Variants in NSD3 observed in about 807,000 individuals in gnomAD.
NSD3 encodes nuclear receptor binding SET domain protein 3, also known as histone-lysine N-methyltransferase NSD3.
NSD3 carries 24 observed loss-of-function variants against 160.8 expected under a neutral mutation model. The observed-to-expected ratio is 0.15, with a 90% confidence interval of 0.11 to 0.21. The LOEUF (loss-of-function observed/expected upper bound fraction) is 0.21, where lower values mean the gene tolerates loss of function less well. Ranked by LOEUF, NSD3 falls within the 10% of genes least tolerant of loss-of-function variation. NSD3 has a pLI of 1.00. For synonymous variants in NSD3, 520 were observed against 600.0 expected (o/e 0.87, Z 1.95); for missense variants, 1,157 against 1,735.9 (o/e 0.67, Z 5.93).
chr8:38,363,030 G>A (rs1005042089), intron 1 of NSD3, among the ~76,000 whole-genome samples: 1 of 152,216 alleles, frequency 6.6e-6, no homozygotes, highest in Non-Finnish European at 1.5e-5. Context: ...GATAACTGAA[G>A]TTCAGATTTA....
At chr8:38,286,131 G>A (rs1044536164) in intron 19 of NSD3, among the ~76,000 whole-genome samples, 8 of 152,210 alleles carry the variant, frequency 5.3e-5, no homozygotes, top group Non-Finnish European at 1.2e-4. Flanking sequence ...CATGGGTGAC[G>A]GGGTGATTAT....
At chr8:38,374,019 G>A (rs1483960387) in intron 1 of NSD3, among the ~76,000 whole-genome samples, 1 of 151,712 alleles carries the variant, frequency 6.6e-6, no homozygotes, top group Non-Finnish European at 1.5e-5. Flanking sequence ...GGAGGCTGAG[G>A]TGGGAGGATC....
At chr8:38,338,310 A>G (rs1483999909) in intron 3 of NSD3, among the ~76,000 whole-genome samples, 3 of 152,088 alleles carry the variant, frequency 2.0e-5, no homozygotes, top group Non-Finnish European at 2.9e-5. Flanking sequence ...AAAAAGAAAA[A>G]AAAAAAAAAT....
At chr8:38,306,800 C>A in intron 12 of NSD3, among the ~76,000 whole-genome samples, 1 of 152,028 alleles carries the variant, frequency 6.6e-6, no homozygotes, top group Non-Finnish European at 1.5e-5. Context: ...CAGGTAAATG[C>A]TAACTGAAAC....
chr8:38,314,488 T>C (rs1433540466), intron 12 of NSD3, among the ~76,000 whole-genome samples, 159 bp downstream of exon 12: 2 of 152,186 alleles, frequency 1.3e-5, no homozygotes, highest in Non-Finnish European at 2.9e-5. Context: ...ACTTTTTAAA[T>C]CTTGAAGCCA....
intron 16 of NSD3, among the ~76,000 whole-genome samples, chr8:38,292,998 C>A (rs112419852): frequency 0.019 from 2,773 of 148,612 alleles, 41 homozygotes; most frequent in South Asian, 0.032. Context: ...ATTAGCCAGG[C>A]GTCATGGCAT....
intron 12 of NSD3, among the ~76,000 whole-genome samples, chr8:38,308,003 T>C (rs1585873356): frequency 6.6e-6 from 1 of 152,218 alleles, no homozygotes; most frequent in African/African-American, 2.4e-5. Flanking sequence ...AGCAAAGAAC[T>C]GCAAATTATA....
At chr8:38,328,679 G>GTGGGA (rs1017684523) in intron 6 of NSD3, among the ~76,000 whole-genome samples, 6 of 152,296 alleles carry the variant, frequency 3.9e-5, no homozygotes, top group South Asian at 2.1e-4. Flanking sequence ...ACTCAACACA[G>GTGGGA]TGGGATGGGA....
intron 16 of NSD3, among the ~76,000 whole-genome samples, chr8:38,292,297 G>A (rs1364764979): frequency 6.6e-6 from 1 of 152,214 alleles, no homozygotes; most frequent in Non-Finnish European, 1.5e-5. Flanking sequence ...GCCTCTTCTT[G>A]TAATCTCATC....
intron 20 of NSD3, among the ~76,000 whole-genome samples, chr8:38,280,882 A>T (rs1808718664): frequency 6.6e-6 from 1 of 151,230 alleles, no homozygotes. Flanking sequence ...CCTCCTGAGG[A>T]GCTGGGACCA....
At chr8:38,279,782 T>C in intron 20 of NSD3, 101 bp from the exon 21 acceptor site, 1 of 1,347,112 alleles carries the variant, frequency 7.4e-7, no homozygotes, top group Non-Finnish European at 1.0e-6. Flanking sequence ...TGCTACCAAC[T>C]GGTGTTTGAC....
intron 4 of NSD3, among the ~76,000 whole-genome samples, chr8:38,333,119 A>G (rs565100583): frequency 6.6e-6 from 1 of 152,376 alleles, no homozygotes; most frequent in South Asian, 2.1e-4. Context: ...ACAGGTATTC[A>G]GATTAAAAAA....
intron 13 of NSD3, 46 bp from the exon 14 acceptor site, chr8:38,304,803 G>C (rs1388974390): frequency 6.5e-7 from 1 of 1,538,946 alleles, no homozygotes; most frequent in Non-Finnish European, 8.7e-7. Flanking sequence ...GCATCAGCGG[G>C]ACATAAAAAT....
intron 1 of NSD3, among the ~76,000 whole-genome samples, chr8:38,377,671 A>T (rs1269336358): frequency 6.6e-6 from 1 of 152,056 alleles, no homozygotes; most frequent in African/African-American, 2.4e-5. Context: ...ATAGGTACTA[A>T]TTTAAAAAGA....
chr8:38,361,228 A>T (rs1213138404), intron 1 of NSD3, among the ~76,000 whole-genome samples: 1 of 151,662 alleles, frequency 6.6e-6, no homozygotes, highest in Non-Finnish European at 1.5e-5. Flanking sequence ...TCCTGACTTC[A>T]AGTGATCCAC....
intron 1 of NSD3, among the ~76,000 whole-genome samples, chr8:38,378,812 A>G: frequency 6.8e-6 from 1 of 146,042 alleles, no homozygotes; most frequent in Non-Finnish European, 1.5e-5. Flanking sequence ...AACAGGAGTG[A>G]GACTCCATCT....
At chr8:38,313,671 C>T (rs1464292081) in intron 12 of NSD3, among the ~76,000 whole-genome samples, 1 of 151,672 alleles carries the variant, frequency 6.6e-6, no homozygotes, top group African/African-American at 2.4e-5. Context: ...ACCTGTAGTC[C>T]CAGCTACTCG....
At chr8:38,379,784 A>G (rs1206028817) in intron 1 of NSD3, among the ~76,000 whole-genome samples, 1 of 152,234 alleles carries the variant, frequency 6.6e-6, no homozygotes, top group Non-Finnish European at 1.5e-5. Flanking sequence ...AACAGTTTCA[A>G]TATCAATGTG....
At chr8:38,307,135 A>G in intron 12 of NSD3, among the ~76,000 whole-genome samples, 1 of 93,658 alleles carries the variant, frequency 1.1e-5, no homozygotes, top group Non-Finnish European at 2.4e-5. Flanking sequence ...AAAATAAAAT[A>G]AAATAAATAA....
Sources: gnomAD v4.1 joint callset for allele counts (sites outside exome capture counted in the v4.1 genomes callset) on GRCh38, gnomAD v4.1.1 for gene constraint, MANE v1.5 for transcripts, NCBI Gene and HGNC (gene_info 2026-07-23, HGNC 2026-07-21) for gene names.